The following EBAG9 variants were observed in gnomAD, a reference collection of about 807,000 sequenced individuals.
EBAG9 encodes receptor-binding cancer antigen expressed on SiSo cells.
Under a neutral mutation model 30.9 loss-of-function variants are expected in EBAG9, and 16 were observed. The observed-to-expected ratio is 0.52, with a 90% confidence interval of 0.35 to 0.79. The LOEUF is 0.79. Among genes scored for constraint, EBAG9 ranks in the 30% least tolerant of loss-of-function variants. The probability of loss-of-function intolerance (pLI) is 0.01; values close to 1 mark genes in which losing one functional copy is unlikely to be tolerated. For synonymous variants in EBAG9, 93 were observed against 82.8 expected, an observed-to-expected ratio of 1.12 and a Z score of -0.67; for missense variants, 197 against 242.1, an observed-to-expected ratio of 0.81 and a Z score of 1.24.
chr8:109,547,635 C>G (rs1297888667), intron 1 of EBAG9, among the ~76,000 whole-genome samples: 1 of 152,116 alleles, frequency 6.6e-6, no homozygotes, highest in African/African-American at 2.4e-5. Flanking sequence ...TGCCCGCGAC[C>G]ATGCCCGGCT....
chr8:109,563,733 T>C (rs1426957891), intron 6 of EBAG9, among the ~76,000 whole-genome samples: 1 of 152,044 alleles, frequency 6.6e-6, no homozygotes, highest in African/African-American at 2.4e-5. Flanking sequence ...CCTGATCCTC[T>C]CCCTCCGTCT....
intron 1 of EBAG9, among the ~76,000 whole-genome samples, chr8:109,543,244 A>G (rs1042291778): frequency 2.9e-5 from 4 of 136,988 alleles, no homozygotes; most frequent in Non-Finnish European, 6.1e-5. Flanking sequence ...TTCAGCTTAT[A>G]TGGAGAGACA....
rs1821616404 is a variant in EBAG9, at chr8:109,557,102, G to A, written c.429+60G>A. 7 of 1,101,538 alleles carry A rather than the reference G, an allele frequency of 6.4e-6. No individual in the cohort carries two copies. The Admixed American group carries it at 1.5e-4, about 23-fold the overall frequency. The allele number at this position is 1,101,538 out of a possible 1,614,324, so 68.2% of individuals were successfully genotyped here. Reference sequence around the variant, plus strand: ...TTGTATTTCTGTTTTCTTTAAAGCAGAGGAATAAAATCTAAATGAGTTTAA... The same window carrying A: ...TTGTATTTCTGTTTTCTTTAAAGCAAAGGAATAAAATCTAAATGAGTTTAA... On this transcript the variant is annotated intron_variant, in intron 5 of 6. Transcript: ENST00000337573.
chr8:109,557,613 C>T (rs949441832), intron 5 of EBAG9: 7 of 452,434 alleles, frequency 1.5e-5, no homozygotes, highest in Non-Finnish European at 2.7e-5. Flanking sequence ...TGTGTAACAA[C>T]TCCAAATTCA....
rs546674507 is a variant in EBAG9, at chr8:109,552,436, A to G, written c.84-1429A>G. Among the ~76,000 whole-genome samples, 3 of 152,314 alleles carry G rather than the reference A, an allele frequency of 2.0e-5. 1 individual carries two copies. The East Asian group carries it at 5.8e-4, about 29-fold the overall frequency. On this transcript the variant is annotated intron_variant, in intron 2 of 6. Coordinates refer to ENST00000337573, the MANE Select transcript of EBAG9 (RefSeq NM_004215.5). ...GAAAAAGGAGCAAACTAAGTGTTCA[A>G]ATTACCAGAGAATGAGGAAGAGAAT...
chr8:109,548,129 G>T (rs1821422662), intron 1 of EBAG9, among the ~76,000 whole-genome samples: 1 of 151,630 alleles, frequency 6.6e-6, no homozygotes, highest in African/African-American at 2.4e-5. Context: ...ACTACATTTA[G>T]GTCTATAATC....
chr8:109,556,996 C>T lies in EBAG9; in HGVS notation c.383C>T (p.Ser128Phe), dbSNP rs185499732. The change falls in exon 5 of 7, where the codon TCT becomes TTT. Residue 128 changes from serine (S) to phenylalanine (F), a missense_variant. By Grantham distance (155) the Ser-to-Phe change is radical (BLOSUM62 -2). Coordinates refer to ENST00000337573, the MANE Select transcript of EBAG9 (RefSeq NM_004215.5). ...ATCCCAGATGGGAGCACAGGTTTCT[C>T]TAGTAGATTAGCAGCTACACAAGAT... is the stretch of plus-strand genomic sequence containing the variant. The part of the protein sequence containing the change: ...FGIPDGSTGF[S>F]SRLAATQDLP... 1.2e-6 allele frequency: 2 copies of T among 1,608,116 alleles called. No individual in the cohort carries two copies. The highest frequency in any genetic ancestry group is 1.7e-6 in the Non-Finnish European group (2 of 1,176,672).
chr8:109,562,352 T>G (rs1821728005), intron 6 of EBAG9, among the ~76,000 whole-genome samples: 1 of 152,076 alleles, frequency 6.6e-6, no homozygotes, highest in South Asian at 2.1e-4. Flanking sequence ...AAACTTAATG[T>G]TTTACCCTTT....
chr8:109,562,707 G>T (rs1377551651), intron 6 of EBAG9, among the ~76,000 whole-genome samples: 1 of 151,456 alleles, frequency 6.6e-6, no homozygotes, highest in East Asian at 1.9e-4. Context: ...TACAGATTGG[G>T]TATCCCTTTC....
chr8:109,561,000 A>C, intron 6 of EBAG9, 71 bp downstream of exon 6: 1 of 1,330,220 alleles, frequency 7.5e-7, no homozygotes, highest in Middle Eastern at 1.9e-4. Context: ...GTTTCAAGTC[A>C]AGGGAGCCTA....
intron 1 of EBAG9, among the ~76,000 whole-genome samples, chr8:109,542,505 G>C (rs899053239): frequency 6.6e-6 from 1 of 152,138 alleles, no homozygotes; most frequent in Non-Finnish European, 1.5e-5. Flanking sequence ...ACAACATACT[G>C]ATAGAGTATC....
At chr8:109,542,122 G>A (rs1294631156) in intron 1 of EBAG9, among the ~76,000 whole-genome samples, 1 of 152,102 alleles carries the variant, frequency 6.6e-6, no homozygotes, top group Non-Finnish European at 1.5e-5. Flanking sequence ...TGAGTTGTGT[G>A]TTAACATTTT....
intron 1 of EBAG9, among the ~76,000 whole-genome samples, chr8:109,547,012 TTTTA>T (rs1359711353): frequency 6.6e-6 from 1 of 151,954 alleles, no homozygotes; most frequent in Non-Finnish European, 1.5e-5. Flanking sequence ...AATACAAGTC[TTTTA>T]TTTATTTATT....
intron 4 of EBAG9, among the ~76,000 whole-genome samples, chr8:109,555,835 T>A (rs950369422): frequency 2.0e-5 from 3 of 152,162 alleles, no homozygotes; most frequent in Non-Finnish European, 4.4e-5. Context: ...GTACTTTTTT[T>A]AAATCAAAAA....
At chr8:109,556,232 C>G (rs1009149445) in intron 4 of EBAG9, among the ~76,000 whole-genome samples, 2 of 152,114 alleles carry the variant, frequency 1.3e-5, no homozygotes, top group South Asian at 2.1e-4. Flanking sequence ...TTCACATTTT[C>G]TAATACAGTT....
intron 1 of EBAG9, among the ~76,000 whole-genome samples, chr8:109,543,474 G>A (rs1821319758): frequency 1.3e-5 from 2 of 151,936 alleles, no homozygotes; most frequent in South Asian, 4.2e-4. Context: ...TTCTGATTTT[G>A]TTTTGTTCTT....
chr8:109,549,968 T>C (rs1482713897), intron 1 of EBAG9, among the ~76,000 whole-genome samples: 1 of 152,014 alleles, frequency 6.6e-6, no homozygotes, highest in Non-Finnish European at 1.5e-5. Context: ...GCATTTCTCA[T>C]TGGCAACATG....
chr8:109,564,900 G>T lies in EBAG9; in HGVS notation c.*341G>T, dbSNP rs1821789987. 6.1e-6 allele frequency: 1 copy of T among 164,110 alleles called. No individual in the cohort carries two copies. The highest frequency in any genetic ancestry group is 2.4e-5 in the African/African-American group (1 of 41,756). 10.2% of individuals were successfully genotyped at this position (164,110 alleles called of 1,614,324 possible). A position where few individuals can be genotyped will look rare whatever the true frequency, so the allele number is the denominator to read the frequency against. ...GTGTATATAATTTTATGGTGGAAAA[G>T]AACTGTACTGTCTGTTATGATTTCC... On this transcript the variant is annotated 3_prime_UTR_variant, in exon 7 of 7. Coordinates refer to ENST00000337573, the MANE Select transcript of EBAG9 (RefSeq NM_004215.5).
chr8:109,547,484 CT>C (rs781114077), intron 1 of EBAG9, among the ~76,000 whole-genome samples: 96 of 140,448 alleles, frequency 6.8e-4, no homozygotes, highest in Non-Finnish European at 8.0e-4. Flanking sequence ...TGTATATGTT[CT>C]TTTTTTTTTT....
Sources: allele counts gnomAD v4.1 joint callset (sites outside exome capture counted in the v4.1 genomes callset), GRCh38; gene constraint gnomAD v4.1.1; transcripts MANE v1.5; gene names NCBI Gene and HGNC (gene_info 2026-07-23, HGNC 2026-07-21).